Variants in SUMF1 observed in about 807,000 individuals in gnomAD.
The protein encoded by SUMF1 is formylglycine-generating enzyme.
SUMF1 carries 48 observed loss-of-function variants against 47.6 expected under a neutral mutation model. The ratio of observed to expected loss-of-function variants is 1.01; its 90% CI spans 0.80 to 1.28. The LOEUF is 1.28. Among genes scored for constraint, SUMF1 ranks in the 50% most tolerant of loss-of-function variants. SUMF1 has a pLI of 0.00. For synonymous variants in SUMF1, 230 were observed against 192.1 expected, an observed-to-expected ratio of 1.20 and a Z score of -1.63; for missense variants, 571 against 485.4, an observed-to-expected ratio of 1.18 and a Z score of -1.66.
At chr3:4,302,677 G>C (rs1697999569) in intron 8 of SUMF1, among the ~76,000 whole-genome samples, 1 of 152,040 alleles carries the variant, frequency 6.6e-6, no homozygotes, top group Non-Finnish European at 1.5e-5. Context: ...TGGAGGATTG[G>C]AATTTTATTT....
intron 3 of SUMF1, among the ~76,000 whole-genome samples, chr3:4,447,950 C>T (rs1702838670): frequency 6.6e-6 from 1 of 152,042 alleles, no homozygotes; most frequent in Admixed American, 6.6e-5. Flanking sequence ...AAACGCCCAC[C>T]CTCACCTGAA....
intron 8 of SUMF1, among the ~76,000 whole-genome samples, chr3:4,100,100 A>G (rs1692999541): frequency 3.3e-5 from 5 of 151,290 alleles, no homozygotes; most frequent in Admixed American, 3.3e-4. Context: ...CATATTATTA[A>G]ATTGTCTATA....
At chr3:4,397,613 G>A (rs115873327) in intron 7 of SUMF1, among the ~76,000 whole-genome samples, 1,564 of 152,216 alleles carry the variant, frequency 0.01, 16 homozygotes, top group Non-Finnish European at 0.017. Context: ...TTATTTGGAC[G>A]TTTTGAAAGT....
intron 8 of SUMF1, among the ~76,000 whole-genome samples, chr3:4,327,365 G>A (rs1160368939): frequency 6.6e-6 from 1 of 152,160 alleles, no homozygotes; most frequent in Non-Finnish European, 1.5e-5. Context: ...GCACCCAGAA[G>A]AGTCTTTTCC....
intron 8 of SUMF1, among the ~76,000 whole-genome samples, chr3:4,260,525 C>T (rs183975687): frequency 6.6e-6 from 1 of 152,232 alleles, no homozygotes; most frequent in East Asian, 1.9e-4. Flanking sequence ...CCCTGATTAT[C>T]AGAGATTGGG....
At chr3:4,036,620 A>AG (rs1254866155) in intron 9 of SUMF1, among the ~76,000 whole-genome samples, 1 of 150,624 alleles carries the variant, frequency 6.6e-6, no homozygotes, top group African/African-American at 2.4e-5. Flanking sequence ...AATCCATTAA[A>AG]AAAAAAAAAA....
chr3:4,365,941 G>T (rs1699938455), intron 8 of SUMF1, among the ~76,000 whole-genome samples: 1 of 152,110 alleles, frequency 6.6e-6, no homozygotes, highest in Admixed American at 6.6e-5. Context: ...GCATTTGCTT[G>T]TCTGTAAAGT....
intron 8 of SUMF1, among the ~76,000 whole-genome samples, chr3:4,146,790 G>A (rs2125101574): frequency 6.7e-6 from 1 of 149,530 alleles, no homozygotes; most frequent in Non-Finnish European, 1.5e-5. Flanking sequence ...TGCAGTGTTT[G>A]GTTTTTTGTC....
At chr3:4,256,863 A>G (rs1162660782) in intron 8 of SUMF1, among the ~76,000 whole-genome samples, 1 of 137,544 alleles carries the variant, frequency 7.3e-6, no homozygotes, top group Non-Finnish European at 1.6e-5. Context: ...AATCCTCAAT[A>G]AAATACTGGC....
In SUMF1 at chr3:4,266,495, G is replaced by T. The variant is rs553644503; in HGVS notation, c.1014+109835C>A. 6.7e-3 allele frequency among the ~76,000 whole-genome samples: 1,026 copies of T among 152,248 alleles called. 29 individuals carry two copies. The highest frequency in any genetic ancestry group is 0.046 in the Admixed American group (709 of 15,286). On this transcript the variant is annotated intron_variant and NMD_transcript_variant, in intron 8 of 12. Transcript: ENST00000448413. ...GTATTTTATTCTCTTTGAAGCAATTGTGAATGGGAGTTCACTCATGATTTG... is the reference window on the plus strand; with the variant it reads ...GTATTTTATTCTCTTTGAAGCAATTTTGAATGGGAGTTCACTCATGATTTG...
At chr3:4,170,491 T>C (rs980206901) in intron 8 of SUMF1, among the ~76,000 whole-genome samples, 1 of 151,914 alleles carries the variant, frequency 6.6e-6, no homozygotes, top group Non-Finnish European at 1.5e-5. Context: ...AAGACAGGAG[T>C]GGGGAATAAG....
chr3:4,138,555 C>T (rs1014544081), intron 8 of SUMF1, among the ~76,000 whole-genome samples: 3 of 152,050 alleles, frequency 2.0e-5, no homozygotes, highest in Non-Finnish European at 2.9e-5. Context: ...TTACTAAAAA[C>T]TCTGAAAACC....
intron 8 of SUMF1, among the ~76,000 whole-genome samples, chr3:4,252,581 C>T (rs1441607223): frequency 3.3e-5 from 5 of 152,084 alleles, no homozygotes; most frequent in Admixed American, 1.3e-4. Flanking sequence ...CATTTTTACA[C>T]GTACAATGAA....
At chr3:4,139,065 AATTT>A (rs1694012083) in intron 8 of SUMF1, among the ~76,000 whole-genome samples, 1 of 152,130 alleles carries the variant, frequency 6.6e-6, no homozygotes, top group African/African-American at 2.4e-5. Context: ...ATCAGAGCTT[AATTT>A]ATTATTTTCC....
intron 8 of SUMF1, among the ~76,000 whole-genome samples, chr3:4,109,075 T>C (rs111955607): frequency 4.6e-5 from 7 of 152,104 alleles, no homozygotes; most frequent in Non-Finnish European, 1.0e-4. Flanking sequence ...GTTGTTCCTT[T>C]TCATGTTTAG....
chr3:4,434,170 T>C (rs756316177), intron 3 of SUMF1, among the ~76,000 whole-genome samples: 3 of 152,214 alleles, frequency 2.0e-5, no homozygotes, highest in African/African-American at 4.8e-5. Flanking sequence ...TTTATAATGA[T>C]GAAAAAGTTC....
chr3:4,217,693 A>G (rs1695965431), intron 8 of SUMF1, among the ~76,000 whole-genome samples: 2 of 144,174 alleles, frequency 1.4e-5, no homozygotes, highest in Non-Finnish European at 3.0e-5. Flanking sequence ...TGTAGGTTTT[A>G]TTTTTTTATT....
At position 4,423,792 on chromosome 3, in the gene SUMF1, T is replaced by A. The variant is rs531443042; in HGVS notation, c.520-3646A>T. 1.3e-4 allele frequency among the ~76,000 whole-genome samples: 20 copies of A among 152,236 alleles called. No homozygotes were observed. The South Asian group carries it at 3.9e-3, about 30-fold the overall frequency. Reference sequence around the variant, plus strand: ...GAACCCTTATGAATTGCTTGGGCCGTCCCCTTGGTGATGAGTGAGCTCTCA... The same window carrying A: ...GAACCCTTATGAATTGCTTGGGCCGACCCCTTGGTGATGAGTGAGCTCTCA... On this transcript the variant is annotated intron_variant, in intron 3 of 8. Transcript: ENST00000272902.
chr3:4,271,500 TAGATAGATAG>T (rs1279034564), intron 8 of SUMF1, among the ~76,000 whole-genome samples: 2 of 151,556 alleles, frequency 1.3e-5, no homozygotes, highest in African/African-American at 4.9e-5. Flanking sequence ...GATAGATAGA[TAGATAGATAG>T]ATAGATAGAT....
Sources: allele counts gnomAD v4.1 joint callset (sites outside exome capture counted in the v4.1 genomes callset), GRCh38; gene constraint gnomAD v4.1.1; transcripts MANE v1.5; gene names NCBI Gene and HGNC (gene_info 2026-07-23, HGNC 2026-07-21).